Variants in EPHA6 observed in about 807,000 individuals in gnomAD.
The protein encoded by EPHA6 is EPH receptor A6.
A neutral mutation model predicts 112.0 loss-of-function variants in EPHA6; 50 were observed. The ratio of observed to expected loss-of-function variants is 0.45; its 90% confidence interval spans 0.36 to 0.56. The LOEUF is 0.56. Ranked by LOEUF, EPHA6 falls within the 20% of genes least tolerant of loss-of-function variation. The pLI, the probability that EPHA6 is intolerant of heterozygous loss-of-function variation, is 0.00. For synonymous variants in EPHA6, 529 were observed against 490.7 expected, an observed-to-expected ratio of 1.08 and a Z score of -1.03; for missense variants, 1,280 against 1,417.4, an observed-to-expected ratio of 0.90 and a Z score of 1.56.
intron 3 of EPHA6, among the ~76,000 whole-genome samples, chr3:97,015,715 A>G (rs2044241580): frequency 6.6e-6 from 1 of 152,208 alleles, no homozygotes; most frequent in South Asian, 2.1e-4. Context: ...GCTGGTGAGA[A>G]CAGCACTGGA....
chr3:97,244,194 T>A lies in EPHA6; in HGVS notation c.1513T>A (p.Tyr505Asn). 6.2e-7 allele frequency: 1 copy of A among 1,613,198 alleles called. No individual in the cohort carries two copies. The highest frequency in any genetic ancestry group is 8.5e-7 in the Non-Finnish European group (1 of 1,179,392). ...ACTTGACTTTGTGTCTCACGTGAAT[T>A]ACACCTTTGAAATAGAAGCAATGAA... ...IVLDFVSHVN[Y>N]TFEIEAMNGV... The change falls in exon 5 of 18, where the codon TAC becomes AAC. Residue 505 changes from tyrosine to asparagine, a missense_variant. Tyr to Asn is a moderately radical substitution (Grantham distance 143). Around this residue, in one of 4 missense-constraint regions of EPHA6, gnomAD observed 878 missense variants for 999.7 expected, o/e 0.88. Coordinates refer to ENST00000389672, the MANE Select transcript of EPHA6 (RefSeq NM_001080448.3).
rs149324190 is a variant in EPHA6 at position 96,833,052 on chromosome 3, G to A, written c.385+18044G>A. On this transcript the variant is annotated intron_variant, in intron 1 of 17. Transcript: ENST00000389672. ...GATTATTAGTTACAGTATCTTCTGC[G>A]TTGAATTATGTCCTCTCAAAATTCG... is the stretch of plus-strand genomic sequence containing the variant. Among the ~76,000 whole-genome samples the A allele has an allele frequency of 6.9e-3, 1,051 of 151,598 alleles. 10 individuals carry two copies. The highest frequency in any genetic ancestry group is 0.023 in the African/African-American group (936 of 41,330).
chr3:97,010,266 G>A (rs1324342171), intron 3 of EPHA6: 1 of 402,132 alleles, frequency 2.5e-6, no homozygotes, highest in Non-Finnish European at 4.3e-6. Context: ...GCAGAAATTG[G>A]CAGACCATAG....
At chr3:96,989,557 G>C (rs927419220) in intron 3 of EPHA6, among the ~76,000 whole-genome samples, 2 of 152,094 alleles carry the variant, frequency 1.3e-5, no homozygotes, top group African/African-American at 4.8e-5. Context: ...TTCTCATACT[G>C]CTATAAGAAC....
intron 7 of EPHA6, among the ~76,000 whole-genome samples, chr3:97,466,764 T>G (rs2091069613): frequency 6.6e-6 from 1 of 151,956 alleles, no homozygotes; most frequent in Non-Finnish European, 1.5e-5. Flanking sequence ...TATTATGACC[T>G]CTTCCTTGCC....
At chr3:97,400,986 G>A (rs568373908) in intron 5 of EPHA6, among the ~76,000 whole-genome samples, 4 of 151,720 alleles carry the variant, frequency 2.6e-5, no homozygotes, top group African/African-American at 9.6e-5. Flanking sequence ...AAATGTGCTG[G>A]TATTATTTCA....
intron 3 of EPHA6, among the ~76,000 whole-genome samples, chr3:97,113,562 A>T (rs72922305): frequency 0.042 from 6,320 of 152,172 alleles, 398 homozygotes; most frequent in African/African-American, 0.14. Context: ...GCTTTGTGTC[A>T]TCAGCAGGCA....
chr3:97,179,078 C>A (rs2076914233), intron 3 of EPHA6, among the ~76,000 whole-genome samples: 1 of 151,426 alleles, frequency 6.6e-6, no homozygotes. Context: ...TCTTTTTTGT[C>A]TTCTCTAACT....
At chr3:96,824,797 T>C (rs185774449) in intron 1 of EPHA6, among the ~76,000 whole-genome samples, 14 of 152,164 alleles carry the variant, frequency 9.2e-5, no homozygotes, top group African/African-American at 2.9e-4. Context: ...ACGTTGAGAA[T>C]AAATATTCAT....
intron 1 of EPHA6, among the ~76,000 whole-genome samples, chr3:96,826,533 C>G (rs1255318330): frequency 1.3e-5 from 2 of 152,042 alleles, no homozygotes; most frequent in African/African-American, 4.8e-5. Flanking sequence ...TGCAGTTTCT[C>G]TCAACTTCTG....
chr3:97,284,830 G>A (rs1426059840), intron 5 of EPHA6, among the ~76,000 whole-genome samples: 1 of 152,028 alleles, frequency 6.6e-6, no homozygotes, highest in East Asian at 1.9e-4. Context: ...GTACACCAGT[G>A]CAATAATTAA....
At chr3:97,227,612 G>A (rs1006153510) in intron 4 of EPHA6, among the ~76,000 whole-genome samples, 3 of 152,174 alleles carry the variant, frequency 2.0e-5, no homozygotes, top group African/African-American at 7.2e-5. Context: ...CACTTTGAGG[G>A]TGGTAAGAAT....
At chr3:97,330,942 CA>C (rs1386604621) in intron 5 of EPHA6, among the ~76,000 whole-genome samples, 2 of 152,118 alleles carry the variant, frequency 1.3e-5, no homozygotes, top group South Asian at 4.1e-4. Context: ...ACAGAATATA[CA>C]TTCTTTTCAG....
chr3:96,972,421 ACAAACAC>A (rs2042349232), intron 2 of EPHA6, among the ~76,000 whole-genome samples: 5 of 77,404 alleles, frequency 6.5e-5, no homozygotes, highest in African/African-American at 3.3e-4. Context: ...AAACACACAC[ACAAACAC>A]ACACACACAC....
In EPHA6 at chr3:97,757,997, A is replaced by G. The variant is rs2036066893; in HGVS notation, c.*9296A>G. Among the ~76,000 whole-genome samples the G allele has an allele frequency of 6.6e-6, 1 of 151,956 alleles. No homozygotes were observed. Among genetic ancestry groups the G allele is most frequent in the Admixed American group, 6.6e-5 (1 of 15,254 alleles). ...ATATCCCCTAAAATTTGCTAGAGAA[A>G]GCAAACTCTTCTCATGAATGGAAAT... is the stretch of plus-strand genomic sequence containing the variant. On this transcript the variant is annotated 3_prime_UTR_variant, in exon 18 of 18. Coordinates refer to ENST00000389672, the MANE Select transcript of EPHA6 (RefSeq NM_001080448.3).
chr3:97,598,888 T>A (rs1443197356), intron 12 of EPHA6, among the ~76,000 whole-genome samples: 2 of 151,208 alleles, frequency 1.3e-5, no homozygotes. Flanking sequence ...ACCAACAGTG[T>A]AAAAGTGTTC....
At position 97,213,873 on chromosome 3, in the gene EPHA6, A is replaced by G. The variant is rs142027174; in HGVS notation, c.1115-12391A>G. On this transcript the variant is annotated intron_variant, in intron 3 of 17. Transcript: ENST00000389672. ...ACTTGCAGTATATTTATGTAGGTCTAATGGTTTTTCTATTTGTTTATTCAA... is the reference window on the plus strand; with the variant it reads ...ACTTGCAGTATATTTATGTAGGTCTGATGGTTTTTCTATTTGTTTATTCAA... Among the ~76,000 whole-genome samples, 732 of 152,162 alleles carry G rather than the reference A, an allele frequency of 4.8e-3. 6 individuals carry two copies. The highest frequency in any genetic ancestry group is 0.016 in the African/African-American group (645 of 41,508).
chr3:97,344,642 C>G (rs2083453007), intron 5 of EPHA6, among the ~76,000 whole-genome samples: 1 of 152,120 alleles, frequency 6.6e-6, no homozygotes, highest in Non-Finnish European at 1.5e-5. Context: ...TACAGAGTGG[C>G]TTTATCAGTT....
At chr3:97,039,858 G>A (rs1398523817) in intron 3 of EPHA6, among the ~76,000 whole-genome samples, 2 of 151,954 alleles carry the variant, frequency 1.3e-5, no homozygotes, top group African/African-American at 2.4e-5. Flanking sequence ...TGAGCAAATT[G>A]CAGTCTCAAA....
Sources: gnomAD v4.1 joint callset for allele counts (sites outside exome capture counted in the v4.1 genomes callset) on GRCh38, gnomAD v4.1.1 for gene constraint, gnomAD v4.1.1 regional missense constraint, MANE v1.5 for transcripts, NCBI Gene and HGNC (gene_info 2026-07-23, HGNC 2026-07-21) for gene names.